USP13: variants seen among roughly 807,000 people sequenced by gnomAD.
The protein encoded by USP13 is ubiquitin carboxyl-terminal hydrolase 13.
In USP13, 68 loss-of-function variants were observed where a neutral mutation model predicts 107.8. The observed-to-expected ratio is 0.63, with a 90% CI of 0.52 to 0.77. The LOEUF (loss-of-function observed/expected upper bound fraction) is 0.77, where lower values mean the gene tolerates loss of function less well. Ranked by LOEUF, USP13 falls within the 30% of genes least tolerant of loss-of-function variation. The pLI is 0.00. For synonymous variants in USP13, 377 were observed against 389.5 expected (o/e 0.97, Z 0.38); for missense variants, 945 against 1,093.3 (o/e 0.86, Z 1.91).
intron 8 of USP13, among the ~76,000 whole-genome samples, chr3:179,727,045 C>T (rs1011069068): frequency 6.6e-6 from 1 of 152,018 alleles, no homozygotes; most frequent in Admixed American, 6.6e-5. Context: ...ACAATCTCTT[C>T]CTCATACGGT....
At chr3:179,754,233 A>C (rs935261117) in intron 14 of USP13, among the ~76,000 whole-genome samples, 4 of 152,204 alleles carry the variant, frequency 2.6e-5, no homozygotes, top group Non-Finnish European at 5.9e-5. Flanking sequence ...TATGATGCTC[A>C]GGGAGCAACA....
rs578031203 is a variant in USP13 at position 179,721,959 on chromosome 3, C to T, written c.1088+370C>T. Among the ~76,000 whole-genome samples the T allele has an allele frequency of 6.6e-6, 1 of 151,732 alleles. No homozygotes were observed. The highest frequency in any genetic ancestry group is 1.9e-4 in the East Asian group (1 of 5,148). On this transcript the variant is annotated intron_variant, in intron 8 of 20. Coordinates refer to ENST00000263966, the MANE Select transcript of USP13 (RefSeq NM_003940.3). This position sits in a 1 kb window ranked among gnomAD's most constrained non-coding sequence, Gnocchi z 4.3. Reference sequence around the variant, plus strand: ...TGGTGCACGCCTGTAATTCCAGCTACTCAGGAGGCTGAGGCAGGATCACTT... The same window carrying T: ...TGGTGCACGCCTGTAATTCCAGCTATTCAGGAGGCTGAGGCAGGATCACTT...
At chr3:179,701,165 A>G in intron 4 of USP13, 36 bp downstream of exon 4, 4 of 1,313,304 alleles carry the variant, frequency 3.0e-6, no homozygotes, top group African/African-American at 1.8e-5. Flanking sequence ...CTAGATGCGC[A>G]TGGCTCTGTG....
chr3:179,778,593 G>A (rs919926869), intron 19 of USP13, among the ~76,000 whole-genome samples: 5 of 152,128 alleles, frequency 3.3e-5, no homozygotes, highest in Admixed American at 6.5e-5. Flanking sequence ...GCGAAACCCC[G>A]TCTCTACTAA....
intron 13 of USP13, among the ~76,000 whole-genome samples, chr3:179,749,286 C>T (rs1454450754): frequency 6.6e-6 from 1 of 152,170 alleles, no homozygotes; most frequent in East Asian, 1.9e-4. Flanking sequence ...GTTGTTGGGA[C>T]ATATTCTAAG....
intron 19 of USP13, among the ~76,000 whole-genome samples, chr3:179,772,428 T>A (rs1715369189): frequency 6.6e-6 from 1 of 152,242 alleles, no homozygotes; most frequent in Admixed American, 6.5e-5. Flanking sequence ...ATGGTTTAGA[T>A]GTCTCCGATG....
chr3:179,746,542 C>T (rs1454266836), intron 13 of USP13, among the ~76,000 whole-genome samples: 3 of 152,124 alleles, frequency 2.0e-5, no homozygotes, highest in South Asian at 4.1e-4. Flanking sequence ...AAGTGATTCT[C>T]CTGCCTCAGC....
At chr3:179,688,234 C>CATCCATCCATCCATCCATCT (rs780480797) in intron 2 of USP13, among the ~76,000 whole-genome samples, 6,265 of 145,812 alleles carry the variant, frequency 0.043, 246 homozygotes, top group Non-Finnish European at 0.052. Context: ...TCCATCCATC[C>CATCCATCCATCCATCCATCT]ATCCAACAAA....
intron 20 of USP13, 112 bp downstream of exon 20, chr3:179,781,935 C>T (rs564299295): frequency 2.1e-6 from 2 of 965,466 alleles, no homozygotes; most frequent in African/African-American, 1.6e-5. Flanking sequence ...TCACATTGGT[C>T]TTGTAAAGGG....
At chr3:179,780,075 T>A (rs1453598562) in intron 19 of USP13, among the ~76,000 whole-genome samples, 1 of 152,186 alleles carries the variant, frequency 6.6e-6, no homozygotes, top group Non-Finnish European at 1.5e-5. Flanking sequence ...ATGGAAGAGA[T>A]CTTCCTCAAC....
intron 5 of USP13, 55 bp downstream of exon 5, chr3:179,707,131 A>G: frequency 3.9e-6 from 6 of 1,535,408 alleles, no homozygotes; most frequent in Non-Finnish European, 5.3e-6. Context: ...CCAAAGGAAT[A>G]TTTGTTTTCT....
Position 179,745,159 on chromosome 3 carries a change from C to A in USP13, c.1651C>A (p.Pro551Thr). 1 of 1,614,092 alleles carries A rather than the reference C, an allele frequency of 6.2e-7. No individual in the cohort carries two copies. The highest frequency in any genetic ancestry group is 1.1e-5 in the South Asian group (1 of 91,078). The change falls in exon 13 of 21, where the codon CCA (proline) becomes ACA (threonine). Residue 551 changes from proline to threonine, a missense_variant. Transcript: ENST00000263966. ...TGCCTGCCTTCAGGCCTTCTCTGAACCAGAAAATGTTGATGATTTCTGGAG... is the reference window on the plus strand; with the variant it reads ...TGCCTGCCTTCAGGCCTTCTCTGAAACAGAAAATGTTGATGATTTCTGGAG... ...FSACLQAFSEPENVDDFWSSA... is the reference protein window; with the variant it reads ...FSACLQAFSETENVDDFWSSA...
intron 1 of USP13, among the ~76,000 whole-genome samples, chr3:179,680,689 C>T (rs565279264): frequency 2.0e-5 from 3 of 151,974 alleles, no homozygotes; most frequent in Non-Finnish European, 4.4e-5. Context: ...ATTACAGGCA[C>T]GCACCACCAC....
rs138814659 is a variant in USP13, at chr3:179,721,875, G to A, written c.1088+286G>A. On this transcript the variant is annotated intron_variant, in intron 8 of 20. Coordinates refer to ENST00000263966, the MANE Select transcript of USP13 (RefSeq NM_003940.3). This position sits in a 1 kb window ranked among gnomAD's most constrained non-coding sequence, Gnocchi z 4.3. ...TCACGAGGTCAGGAGTTCAAGACCA[G>A]CCTGACCAACATGACGAAACCCGTC... Among the ~76,000 whole-genome samples, 1,065 of 152,036 alleles carry A rather than the reference G, an allele frequency of 7.0e-3. 23 individuals are homozygous for A. Among genetic ancestry groups the A allele is most frequent in the Admixed American group, 0.053 (812 of 15,260 alleles).
chr3:179,749,389 A>G (rs191875914), intron 13 of USP13, among the ~76,000 whole-genome samples: 2 of 152,330 alleles, frequency 1.3e-5, no homozygotes, highest in East Asian at 3.9e-4. Context: ...TTTACATTCT[A>G]ATGATCTTTA....
At chr3:179,684,760 T>G (rs1018389211) in intron 2 of USP13, among the ~76,000 whole-genome samples, 1 of 124,974 alleles carries the variant, frequency 8.0e-6, no homozygotes, top group African/African-American at 3.1e-5. Flanking sequence ...ACTTTTTCCA[T>G]GTTTATTTAT....
At chr3:179,700,903 G>A in intron 3 of USP13, 105 bp from the exon 4 acceptor site, 1 of 1,355,238 alleles carries the variant, frequency 7.4e-7, no homozygotes, top group Non-Finnish European at 9.9e-7. Flanking sequence ...CACACCCTTG[G>A]TATTTCATCA....
At chr3:179,773,377 A>AGT (rs1174734246) in intron 19 of USP13, among the ~76,000 whole-genome samples, 1 of 152,032 alleles carries the variant, frequency 6.6e-6, no homozygotes, top group Admixed American at 6.6e-5. Flanking sequence ...TATTTTAGGG[A>AGT]GTGTTTTGAT....
intron 19 of USP13, among the ~76,000 whole-genome samples, chr3:179,779,855 ATAT>A (rs1331810094): frequency 6.6e-6 from 1 of 152,120 alleles, no homozygotes; most frequent in African/African-American, 2.4e-5. Flanking sequence ...TTCAGACAAG[ATAT>A]TATGGTGACT....
Sources: allele counts gnomAD v4.1 joint callset (sites outside exome capture counted in the v4.1 genomes callset), GRCh38; gene constraint gnomAD v4.1.1; non-coding constraint Gnocchi (gnomAD v3.1); transcripts MANE v1.5; gene names NCBI Gene and HGNC (gene_info 2026-07-23, HGNC 2026-07-21).